The following AP1G1 variants were observed in gnomAD, a reference collection of about 807,000 sequenced individuals.
The protein encoded by AP1G1 is AP-1 complex subunit gamma-1.
Under a neutral mutation model 108.3 loss-of-function variants are expected in AP1G1, and 7 were observed. That is an observed-to-expected ratio of 0.06 (90% CI 0.04 to 0.12). AP1G1 has a LOEUF of 0.12. AP1G1 is among the 10% of genes least tolerant of loss of function. The pLI is 1.00. For missense variants in AP1G1, 756 were observed against 1,010.7 expected (o/e 0.75, Z 3.42); for synonymous variants, 379 against 353.5 (o/e 1.07, Z -0.81).
intron 19 of AP1G1, chr16:71,742,507 GA>G (rs2029918626): frequency 6.6e-6 from 1 of 152,184 alleles, no homozygotes; most frequent in Non-Finnish European, 1.5e-5. Flanking sequence ...ATCATGCACT[GA>G]ATAGGTCAAT....
chr16:71,804,054 T>TG (rs1436570823), intron 1 of AP1G1, among the ~76,000 whole-genome samples: 1 of 149,358 alleles, frequency 6.7e-6, no homozygotes, highest in Non-Finnish European at 1.5e-5. Flanking sequence ...TATTTATTTA[T>TG]TTTTTTTTTG....
chr16:71,747,690 G>A (rs571829284), intron 16 of AP1G1, among the ~76,000 whole-genome samples: 106 of 152,084 alleles, frequency 7.0e-4, no homozygotes, highest in East Asian at 3.1e-3. Context: ...TTCTAAAAAC[G>A]TAACTTTTAG....
In AP1G1 at chr16:71,767,771, G is replaced by A. The variant is rs892455953; in HGVS notation, c.642+1852C>T. The A allele has an allele frequency of 6.2e-6, 7 of 1,124,460 alleles. No individual in the cohort carries two copies. In the East Asian group the frequency reaches 1.7e-4, roughly 27 times the overall value. 69.7% of individuals were successfully genotyped at this position (1,124,460 alleles called of 1,614,324 possible). A position where few individuals can be genotyped will look rare whatever the true frequency, so the allele number is the denominator to read the frequency against. On this transcript the variant is annotated intron_variant, in intron 6 of 22. Transcript: ENST00000299980. ...ACAATAACTCACAGTATTAAGCACA[G>A]CTTCAGCATTAGTATATTTTAAAAG...
rs1301932274 is a variant in AP1G1, at chr16:71,739,243, T to G, written c.2098A>C (p.Ile700Leu). ...GLSSQPLFND[I>L]AAGIPSITAY... ...ACAACAGTCATCGTACCTGCAGCAA[T>G]ATCATTGAAGAGAGGCTGTGATGAA... is the stretch of plus-strand genomic sequence containing the variant. Residue 700 changes from isoleucine to leucine, a missense_variant, in exon 20 of 23, where the codon ATT (isoleucine) becomes CTT (leucine). Physicochemically the swap from Ile to Leu is conservative, Grantham distance 5. Around this residue, in one of 3 missense-constraint regions of AP1G1, gnomAD observed 95 missense variants for 160.5 expected, o/e 0.59. Transcript: ENST00000299980. 6.2e-7 allele frequency: 1 copy of G among 1,613,294 alleles called. No homozygotes were observed. Among genetic ancestry groups the G allele is most frequent in the East Asian group, 2.2e-5 (1 of 44,904 alleles).
intron 4 of AP1G1, among the ~76,000 whole-genome samples, chr16:71,772,011 GTAACTA>G (rs901518668): frequency 5.3e-5 from 8 of 151,944 alleles, no homozygotes; most frequent in Non-Finnish European, 1.0e-4. Context: ...ATCCCCCAAA[GTAACTA>G]TAACTACTAT....
intron 19 of AP1G1, among the ~76,000 whole-genome samples, chr16:71,741,083 G>A (rs990691419): frequency 3.3e-5 from 5 of 152,076 alleles, no homozygotes; most frequent in Admixed American, 2.6e-4. Flanking sequence ...ATCAAGATTC[G>A]AAGAAGAAGC....
At chr16:71,761,007 T>C (rs1424790306) in intron 10 of AP1G1, among the ~76,000 whole-genome samples, 1 of 152,222 alleles carries the variant, frequency 6.6e-6, no homozygotes, top group Non-Finnish European at 1.5e-5. Flanking sequence ...ACATTCCAGA[T>C]TTGCTACCTG....
intron 1 of AP1G1, among the ~76,000 whole-genome samples, chr16:71,805,853 TATACAAAAA>T: frequency 6.6e-6 from 1 of 151,948 alleles, no homozygotes; most frequent in Non-Finnish European, 1.5e-5. Context: ...AAACACTATC[TATACAAAAA>T]ATACAAAAAT....
At position 71,764,353 on chromosome 16, in the gene AP1G1, C is replaced by T; in HGVS notation, c.915G>A (p.Leu305=). ...TIMDIKSESG[L]RVLAINILGR... ...GAAAAGATTCAAAAAGACTTACTCGCAATCCACTCTCTGACTTAATATCCA... is the reference window on the plus strand; with the variant it reads ...GAAAAGATTCAAAAAGACTTACTCGTAATCCACTCTCTGACTTAATATCCA... The change falls in exon 9 of 23, where the codon TTG becomes TTA. Residue 305 remains leucine (L), a synonymous_variant. Transcript: ENST00000299980. 4 of 1,584,644 alleles carry T rather than the reference C, an allele frequency of 2.5e-6. No homozygotes were observed. Among genetic ancestry groups the T allele is most frequent in the Non-Finnish European group, 3.4e-6 (4 of 1,161,708 alleles).
intron 1 of AP1G1, among the ~76,000 whole-genome samples, chr16:71,794,645 A>T (rs1229881304): frequency 6.6e-6 from 1 of 152,024 alleles, no homozygotes; most frequent in African/African-American, 2.4e-5. Context: ...ATGCCCAAAG[A>T]ATCAAAATTA....
At position 71,808,013 on chromosome 16, in the gene AP1G1, AC is replaced by A. The variant is rs1436873712; in HGVS notation, c.-4+749del. ...AAACATAATCTGCTTCATAAACATTACCCTGAGCGAGTGGTTCGATGGATCT... is the reference window on the plus strand; with the variant it reads ...AAACATAATCTGCTTCATAAACATTACCTGAGCGAGTGGTTCGATGGATCT... On this transcript the variant is annotated intron_variant, in intron 1 of 22. Transcript: ENST00000299980. 3 of 1,204,524 alleles carry A rather than the reference AC, an allele frequency of 2.5e-6. No homozygotes were observed. In the African/African-American group the frequency reaches 4.8e-5, roughly 19 times the overall value. The allele number at this position is 1,204,524 out of a possible 1,614,324, so 74.6% of individuals were successfully genotyped here. A position where few individuals can be genotyped will look rare whatever the true frequency, so the allele number is the denominator to read the frequency against.
At chr16:71,786,998 C>T (rs2032227571) in intron 2 of AP1G1, among the ~76,000 whole-genome samples, 1 of 151,942 alleles carries the variant, frequency 6.6e-6, no homozygotes, top group Admixed American at 6.6e-5. Flanking sequence ...ACAATCCAGC[C>T]TGGGCAACAG....
intron 2 of AP1G1, among the ~76,000 whole-genome samples, chr16:71,778,640 G>A (rs542421014): frequency 6.0e-5 from 9 of 148,840 alleles, no homozygotes; most frequent in East Asian, 5.9e-4. Flanking sequence ...CTGAGATCGC[G>A]CCACTGCCCT....
At chr16:71,753,740 G>GA in intron 13 of AP1G1, 93 bp downstream of exon 13, 1 of 1,148,674 alleles carries the variant, frequency 8.7e-7, no homozygotes, top group Non-Finnish European at 1.3e-6. Context: ...ATTTACTTGT[G>GA]AATTTCTTAC....
In AP1G1 at chr16:71,764,382, T is replaced by C. The variant is rs1456956316; in HGVS notation, c.886A>G (p.Ile296Val). ...CCACTCTCTGACTTAATATCCATGA[T>C]AGTCAAAACCGTTTCATAAAGAATA... ...NAILYETVLT[I>V]MDIKSESGLR... Residue 296 changes from isoleucine to valine, a missense_variant, in exon 9 of 23, where the codon ATC becomes GTC. Ile to Val is a conservative substitution (Grantham distance 29). Transcript: ENST00000299980. The C allele has an allele frequency of 1.2e-6, 2 of 1,607,998 alleles. No individual in the cohort carries two copies. Among genetic ancestry groups the C allele is most frequent in the Non-Finnish European group, 8.5e-7 (1 of 1,176,682 alleles).
At chr16:71,748,695 G>A (rs1464164503) in intron 15 of AP1G1, among the ~76,000 whole-genome samples, 1 of 152,136 alleles carries the variant, frequency 6.6e-6, no homozygotes, top group African/African-American at 2.4e-5. Context: ...AACATACAGA[G>A]TTCAAGTGTT....
intron 1 of AP1G1, among the ~76,000 whole-genome samples, chr16:71,803,051 C>T (rs540338662): frequency 6.6e-6 from 1 of 152,018 alleles, no homozygotes; most frequent in South Asian, 2.1e-4. Context: ...CCCGTCTCCA[C>T]TAAAAATACA....
intron 1 of AP1G1, chr16:71,807,655 G>A: frequency 2.1e-6 from 1 of 483,978 alleles, no homozygotes; most frequent in South Asian, 1.9e-5. Context: ...CCCAATACAT[G>A]AAATCATTAC....
At chr16:71,748,701 G>A (rs902304708) in intron 15 of AP1G1, among the ~76,000 whole-genome samples, 1 of 152,168 alleles carries the variant, frequency 6.6e-6, no homozygotes, top group Non-Finnish European at 1.5e-5. Context: ...CAGAGTTCAA[G>A]TGTTGTTGCC....
Sources: gnomAD v4.1 joint callset for allele counts (sites outside exome capture counted in the v4.1 genomes callset) on GRCh38, gnomAD v4.1.1 for gene constraint, gnomAD v4.1.1 regional missense constraint, MANE v1.5 for transcripts, NCBI Gene and HGNC (gene_info 2026-07-23, HGNC 2026-07-21) for gene names.